Variants in DOCK1 observed in about 807,000 individuals in gnomAD.
DOCK1 encodes the protein dedicator of cytokinesis 1.
Under a neutral mutation model 262.7 loss-of-function variants are expected in DOCK1, and 138 were observed. That is an observed-to-expected ratio of 0.53 (90% CI 0.46 to 0.61). The LOEUF (loss-of-function observed/expected upper bound fraction) is 0.61. DOCK1 is among the 20% of genes least tolerant of loss of function. The pLI is 0.00. For missense variants in DOCK1, 1,908 were observed against 2,370.7 expected (o/e 0.80, Z 4.05); for synonymous variants, 866 against 867.4 (o/e 1.00, Z 0.03).
At chr10:127,439,689 G>A (rs180976724) in intron 49 of DOCK1, among the ~76,000 whole-genome samples, 49 of 152,222 alleles carry the variant, frequency 3.2e-4, no homozygotes, top group African/African-American at 9.2e-4. Flanking sequence ...TCTTCCCACC[G>A]GGCCCCAGAA....
At chr10:127,003,560 T>A (rs1360362693) in intron 10 of DOCK1, among the ~76,000 whole-genome samples, 1 of 152,194 alleles carries the variant, frequency 6.6e-6, no homozygotes, top group Non-Finnish European at 1.5e-5. Context: ...GATGTCCTGT[T>A]CATCCCTTGG....
chr10:127,397,078 C>T (rs113122776), intron 38 of DOCK1, among the ~76,000 whole-genome samples: 27,273 of 97,694 alleles, frequency 0.28, 5,276 homozygotes, highest in East Asian at 0.57. Flanking sequence ...ACACGGGCAG[C>T]GACTCCTATG....
At chr10:127,339,729 G>GTC (rs2063349230) in intron 30 of DOCK1, among the ~76,000 whole-genome samples, 11 of 92,670 alleles carry the variant, frequency 1.2e-4, no homozygotes, top group Admixed American at 3.7e-4. Context: ...GTGTGTGTGT[G>GTC]TGTGTGCATG....
chr10:127,056,054 G>A (rs1442912921), intron 22 of DOCK1, among the ~76,000 whole-genome samples: 1 of 152,146 alleles, frequency 6.6e-6, no homozygotes, highest in Non-Finnish European at 1.5e-5. Context: ...AGGACACAAA[G>A]TGGTCACAAG....
At chr10:127,362,883 C>G (rs1434742721) in intron 33 of DOCK1, among the ~76,000 whole-genome samples, 23 of 872 alleles carry the variant, frequency 0.026, no homozygotes, top group African/African-American at 0.04. Flanking sequence ...ACATACACAT[C>G]CCCACACACA....
At chr10:127,224,595 C>G (rs1038745305) in intron 27 of DOCK1, among the ~76,000 whole-genome samples, 2 of 151,312 alleles carry the variant, frequency 1.3e-5, no homozygotes, top group African/African-American at 4.9e-5. Context: ...TAGTGCATGC[C>G]TGTAGTCCCA....
chr10:127,002,881 G>T (rs2040694762), intron 10 of DOCK1, among the ~76,000 whole-genome samples: 1 of 152,206 alleles, frequency 6.6e-6, no homozygotes, highest in Non-Finnish European at 1.5e-5. Flanking sequence ...TGATATCGGG[G>T]CTTCTGAAAA....
chr10:127,432,424 G>A (rs998767286), intron 47 of DOCK1, among the ~76,000 whole-genome samples: 1 of 151,910 alleles, frequency 6.6e-6, no homozygotes, highest in African/African-American at 2.4e-5. Context: ...TGGGCGGGGT[G>A]GGGTTGCAGG....
chr10:127,031,920 C>T (rs964715349), intron 17 of DOCK1, among the ~76,000 whole-genome samples, 167 bp downstream of exon 17: 4 of 151,908 alleles, frequency 2.6e-5, no homozygotes, highest in Non-Finnish European at 5.9e-5. Flanking sequence ...TTGTTCCTAA[C>T]GGGAAAAGAT....
intron 29 of DOCK1, among the ~76,000 whole-genome samples, chr10:127,258,754 T>C (rs1212029981): frequency 1.3e-5 from 2 of 152,242 alleles, no homozygotes; most frequent in East Asian, 3.8e-4. Flanking sequence ...CCACCAGCCA[T>C]GTAAGTGATT....
chr10:127,355,144 GATCTAC>G (rs2064080772), intron 32 of DOCK1, among the ~76,000 whole-genome samples: 2 of 38,738 alleles, frequency 5.2e-5, no homozygotes, highest in African/African-American at 4.2e-4. Flanking sequence ...CTCAAAACCA[GATCTAC>G]CTGGTGGCAG....
chr10:127,296,083 AGTT>A (rs1276214705), intron 29 of DOCK1, among the ~76,000 whole-genome samples: 7 of 152,134 alleles, frequency 4.6e-5, no homozygotes, highest in Non-Finnish European at 2.9e-5. Flanking sequence ...TGAAATGAGC[AGTT>A]GTTGTACTTG....
intron 27 of DOCK1, among the ~76,000 whole-genome samples, chr10:127,131,844 C>A (rs1378636222): frequency 6.6e-6 from 1 of 152,074 alleles, no homozygotes; most frequent in Non-Finnish European, 1.5e-5. Flanking sequence ...GAGATTTCAG[C>A]CTTTATGTGT....
At chr10:127,139,732 C>T (rs2051041854) in intron 27 of DOCK1, among the ~76,000 whole-genome samples, 4 of 152,114 alleles carry the variant, frequency 2.6e-5, no homozygotes, top group Admixed American at 2.6e-4. Flanking sequence ...CCTTAAACTT[C>T]AATTCTTTCA....
At chr10:126,958,445 T>C in intron 1 of DOCK1, among the ~76,000 whole-genome samples, 1 of 152,168 alleles carries the variant, frequency 6.6e-6, no homozygotes, top group Non-Finnish European at 1.5e-5. Context: ...TCACAGCTCA[T>C]GGAGACCAGA....
chr10:127,178,348 C>T (rs1287673689), intron 27 of DOCK1, among the ~76,000 whole-genome samples: 4 of 152,210 alleles, frequency 2.6e-5, no homozygotes, highest in Admixed American at 6.5e-5. Flanking sequence ...TTTCTAAATC[C>T]TGGCACTACT....
chr10:126,945,969 G>A (rs944365797), intron 1 of DOCK1, among the ~76,000 whole-genome samples: 3 of 152,150 alleles, frequency 2.0e-5, no homozygotes, highest in Non-Finnish European at 4.4e-5. Flanking sequence ...GCTGATGAAC[G>A]TTCATAGGCA....
intron 10 of DOCK1, among the ~76,000 whole-genome samples, chr10:127,006,606 A>G (rs571349297): frequency 6.6e-6 from 1 of 152,248 alleles, no homozygotes; most frequent in South Asian, 2.1e-4. Context: ...GGGAAGCGCG[A>G]TGAGCGGTGA....
rs562589865 is a variant in DOCK1, at chr10:127,047,194, T to G, written c.2201+4030T>G. Among the ~76,000 whole-genome samples the G allele has an allele frequency of 3.7e-3, 73 of 19,478 alleles. 2 individuals are homozygous for G. Among genetic ancestry groups the G allele is most frequent in the African/African-American group, 0.02 (69 of 3,484 alleles). The allele number at this position is 19,478 out of a possible 152,430, so 12.8% of individuals were successfully genotyped here. ...AGCTATTGCTTGAGGGTCATCCTTA[T>G]GAACAAGATTATTATTTGATGAGTC... On this transcript the variant is annotated intron_variant, in intron 21 of 51. Transcript: ENST00000623213.
Sources: allele counts gnomAD v4.1 joint callset (sites outside exome capture counted in the v4.1 genomes callset), GRCh38; gene constraint gnomAD v4.1.1; transcripts MANE v1.5; gene names NCBI Gene and HGNC (gene_info 2026-07-23, HGNC 2026-07-21).